Variants in SPEN observed in about 807,000 individuals in gnomAD.
The protein encoded by SPEN is msx2-interacting protein.
A neutral mutation model predicts 269.9 loss-of-function variants in SPEN; 18 were observed. That is an observed-to-expected ratio of 0.07 (90% confidence interval 0.05 to 0.10). The LOEUF (loss-of-function observed/expected upper bound fraction) is 0.10, where lower values mean the gene tolerates loss of function less well. Among genes scored for constraint, SPEN ranks in the 10% least tolerant of loss-of-function variants. The probability of loss-of-function intolerance (pLI) is 1.00; values close to 1 mark genes in which losing one functional copy is unlikely to be tolerated. For missense variants in SPEN, 3,822 were observed against 4,631.2 expected (o/e 0.83, Z 5.07); for synonymous variants, 1,726 against 1,765.7 (o/e 0.98, Z 0.56).
chr1:15,929,495 A>G lies in SPEN; in HGVS notation c.3255A>G (p.Gln1085=). 6.2e-7 allele frequency: 1 copy of G among 1,613,486 alleles called. No individual in the cohort carries two copies. Among genetic ancestry groups the G allele is most frequent in the Non-Finnish European group, 8.5e-7 (1 of 1,179,824 alleles). The change falls in exon 11 of 15, where the codon CAA becomes CAG. Residue 1085 remains glutamine (Q), a synonymous_variant. Coordinates refer to ENST00000375759, the MANE Select transcript of SPEN (RefSeq NM_015001.3). The surrounding 1 kb of genome is among the most constrained non-coding windows in gnomAD (Gnocchi z 5.8). ...GSGSRPSSDL[Q]ARLGELAGES... is the part of the protein sequence containing the mutation. ...GCTCAAGGCCCAGCTCAGACCTACA[A>G]GCAAGACTGGGAGAACTAGCAGGTG...
chr1:15,880,494 C>T (rs2070676669), intron 3 of SPEN, among the ~76,000 whole-genome samples: 1 of 137,746 alleles, frequency 7.3e-6, no homozygotes, highest in Non-Finnish European at 1.5e-5. Flanking sequence ...GTCTCACTCT[C>T]GCCCAGGCTG....
At chr1:15,874,889 G>A (rs1411657138) in intron 2 of SPEN, among the ~76,000 whole-genome samples, 3 of 152,154 alleles carry the variant, frequency 2.0e-5, no homozygotes, top group African/African-American at 4.8e-5. Flanking sequence ...AGGAAGGTGG[G>A]GTTGCTACTA....
rs554484775 is a variant in SPEN at position 15,883,242 on chromosome 1, A to G, written c.881+6564A>G. Among the ~76,000 whole-genome samples, 5 of 152,316 alleles carry G rather than the reference A, an allele frequency of 3.3e-5. No individual in the cohort carries two copies. In the South Asian group the frequency reaches 1.0e-3, roughly 32 times the overall value. On this transcript the variant is annotated intron_variant, in intron 3 of 14. Coordinates refer to ENST00000375759, the MANE Select transcript of SPEN (RefSeq NM_015001.3). ...ATGGGGGAAAGAAAGACACACACAC[A>G]GTTCCTGGGCGGGGAAGCAGACATG... is the stretch of plus-strand genomic sequence containing the variant.
intron 6 of SPEN, among the ~76,000 whole-genome samples, chr1:15,916,498 AT>A (rs1209963092): frequency 7.0e-6 from 1 of 142,390 alleles, no homozygotes; most frequent in Non-Finnish European, 1.5e-5. Context: ...ACACATATAT[AT>A]TTTCTTACCT....
chr1:15,851,099 CAGTT>C (rs1233583037), intron 1 of SPEN, among the ~76,000 whole-genome samples: 1 of 152,082 alleles, frequency 6.6e-6, no homozygotes, highest in Non-Finnish European at 1.5e-5. Flanking sequence ...AGAGGTCAGT[CAGTT>C]CTTTAAAAAT....
intron 4 of SPEN, among the ~76,000 whole-genome samples, chr1:15,909,975 T>G (rs1313586134): frequency 6.6e-6 from 1 of 151,456 alleles, no homozygotes; most frequent in African/African-American, 2.4e-5. Context: ...AATACAAAAA[T>G]TAGCTGGGCG....
At chr1:15,850,848 A>G (rs976801419) in intron 1 of SPEN, among the ~76,000 whole-genome samples, 8 of 152,234 alleles carry the variant, frequency 5.3e-5, no homozygotes, top group African/African-American at 1.7e-4. Flanking sequence ...GAGAAAAACC[A>G]TGCAATACCT....
chr1:15,929,555 G>C lies in SPEN; in HGVS notation c.3315G>C (p.Lys1105Asn), dbSNP rs998597411. 1 of 1,613,808 alleles carries C rather than the reference G, an allele frequency of 6.2e-7. No individual in the cohort carries two copies. The highest frequency in any genetic ancestry group is 1.3e-5 in the African/African-American group (1 of 74,894). The change falls in exon 11 of 15, where the codon AAG becomes AAC. Residue 1105 changes from lysine (K) to asparagine (N), a missense_variant. Physicochemically the swap from Lys to Asn is moderately conservative, Grantham distance 94. This residue lies in a region of SPEN where 572 missense variants were observed against 582.6 expected (regional missense o/e 0.98). Coordinates refer to ENST00000375759, the MANE Select transcript of SPEN (RefSeq NM_015001.3). The surrounding 1 kb of genome is among the most constrained non-coding windows in gnomAD (Gnocchi z 5.8). ...SVENQEVQSK[K>N]PIPSKPQLKQ... ...AAAATCAAGAAGTCCAATCAAAAAA[G>C]CCCATTCCCTCAAAACCACAGCTCA...
Position 15,936,043 on chromosome 1 carries a change from G to A in SPEN, c.9803G>A (p.Arg3268His), listed in dbSNP as rs375130938. The A allele has an allele frequency of 1.7e-5, 26 of 1,516,862 alleles. No homozygotes were observed. The highest frequency in any genetic ancestry group is 5.8e-5 in the South Asian group (5 of 86,812). 94.0% of individuals were successfully genotyped at this position (1,516,862 alleles called of 1,614,324 possible). The change falls in exon 11 of 15, where the codon CGT (arginine) becomes CAT (histidine). Residue 3268 changes from arginine to histidine, a missense_variant. Arg to His is a conservative substitution (Grantham distance 29, BLOSUM62 0). This residue lies in a region of SPEN where 359 missense variants were observed against 377.3 expected (regional missense o/e 0.95). Coordinates refer to ENST00000375759, the MANE Select transcript of SPEN (RefSeq NM_015001.3). ...APAPAPHGEA[R>H]ILTVTPSNQL... ...GCTCCTGCCCCTCATGGTGAGGCCC[G>A]TATCCTCACAGTTACCCCCAGTAAC...
intron 1 of SPEN, among the ~76,000 whole-genome samples, chr1:15,860,188 G>A (rs563455806): frequency 6.6e-6 from 1 of 152,058 alleles, no homozygotes; most frequent in South Asian, 2.1e-4. Context: ...TGGGATTACA[G>A]GCGTGAGCCA....
chr1:15,869,614 A>ATTTATTTT (rs2070553172), intron 1 of SPEN, among the ~76,000 whole-genome samples: 1 of 151,422 alleles, frequency 6.6e-6, no homozygotes. Context: ...TTATTTATTT[A>ATTTATTTT]TGAGACAGGG....
chr1:15,920,968 T>G lies in SPEN; in HGVS notation c.1734T>G (p.Gly578=). ...AVKETKGRKI[G]GNKIKVDFAN... ...AAGAGACCAAAGGGAGGAAAATCGGTGGGAATAAAATTAAGGTGTGCAGAA... is the reference window on the plus strand; with the variant it reads ...AAGAGACCAAAGGGAGGAAAATCGGGGGGAATAAAATTAAGGTGTGCAGAA... The change falls in exon 9 of 15, where the codon GGT becomes GGG. Residue 578 remains glycine, a synonymous_variant. Coordinates refer to ENST00000375759, the MANE Select transcript of SPEN (RefSeq NM_015001.3). 1 of 1,605,174 alleles carries G rather than the reference T, an allele frequency of 6.2e-7. No homozygotes were observed. The highest frequency in any genetic ancestry group is 1.1e-5 in the South Asian group (1 of 90,548).
At chr1:15,897,486 T>A (rs1327687424) in intron 3 of SPEN, among the ~76,000 whole-genome samples, 10 of 152,072 alleles carry the variant, frequency 6.6e-5, no homozygotes, top group African/African-American at 2.4e-4. Context: ...CTTGTAATCC[T>A]GAGTAGCTGG....
chr1:15,857,764 T>C (rs1406099657), intron 1 of SPEN, among the ~76,000 whole-genome samples: 1 of 151,996 alleles, frequency 6.6e-6, no homozygotes, highest in African/African-American at 2.4e-5. Flanking sequence ...GGGCTTGAGG[T>C]ATCCTCCCAC....
At chr1:15,878,696 G>A (rs1353003589) in intron 3 of SPEN, among the ~76,000 whole-genome samples, 2 of 151,994 alleles carry the variant, frequency 1.3e-5, no homozygotes, top group Non-Finnish European at 2.9e-5. Flanking sequence ...CATTCCACTG[G>A]ATCAAAACTT....
rs191557013 is a variant in SPEN at position 15,898,490 on chromosome 1, A to G, written c.882-10831A>G. Among the ~76,000 whole-genome samples, 269 of 151,114 alleles carry G rather than the reference A, an allele frequency of 1.8e-3. 1 individual carries two copies. The highest frequency in any genetic ancestry group is 0.014 in the Middle Eastern group (4 of 290). ...TTTTTGGGTATGGCTGGTTTATTTC[A>G]TTTAGCATAATATCTTCAAGGTTCA... On this transcript the variant is annotated intron_variant, in intron 3 of 14. Coordinates refer to ENST00000375759, the MANE Select transcript of SPEN (RefSeq NM_015001.3).
At chr1:15,879,004 C>CAAAAA (rs3048559) in intron 3 of SPEN, among the ~76,000 whole-genome samples, 10 of 76,518 alleles carry the variant, frequency 1.3e-4, no homozygotes, top group East Asian at 3.3e-4. Flanking sequence ...GACTCTGTCT[C>CAAAAA]AAAAAAAAAA....
In SPEN at chr1:15,929,280, G is replaced by A. The variant is rs199847404; in HGVS notation, c.3040G>A (p.Val1014Met). 1.2e-5 allele frequency: 19 copies of A among 1,614,026 alleles called. No individual in the cohort carries two copies. The highest frequency in any genetic ancestry group is 8.0e-5 in the African/African-American group (6 of 74,894). The change falls in exon 11 of 15, where the codon GTG (valine) becomes ATG (methionine). Residue 1014 changes from valine to methionine, a missense_variant. Coordinates refer to ENST00000375759, the MANE Select transcript of SPEN (RefSeq NM_015001.3). This position sits in a 1 kb window ranked among gnomAD's most constrained non-coding sequence, Gnocchi z 5.8. ...CAGTCCAGAGATGGAGGATGCTCGC[G>A]TGCTTTCAAAAAAGCAGCCTGACGT... ...KSSPEMEDAR[V>M]LSKKQPDVSS... is the part of the protein sequence containing the mutation.
In SPEN at chr1:15,937,278, C is replaced by G; in HGVS notation, c.10142C>G (p.Pro3381Arg). 6.2e-7 allele frequency: 1 copy of G among 1,613,908 alleles called. No homozygotes were observed. The highest frequency in any genetic ancestry group is 8.5e-7 in the Non-Finnish European group (1 of 1,180,004). The stretch of plus-strand genomic sequence containing the variant: ...CAGCTCGGTCAGCCCGGCCAGCCAC[C>G]AAGCAGCAAGATGCCTCAAGTGTCC... The part of the protein sequence containing the change: ...PSQLGQPGQP[P>R]SSKMPQVSQE... The change falls in exon 12 of 15, where the codon CCA becomes CGA. Residue 3381 changes from proline (P) to arginine (R), a missense_variant. Pro to Arg is a moderately radical substitution (Grantham distance 103). Transcript: ENST00000375759. The surrounding 1 kb of genome is among the most constrained non-coding windows in gnomAD (Gnocchi z 5.7).
Sources: allele counts gnomAD v4.1 joint callset (sites outside exome capture counted in the v4.1 genomes callset), GRCh38; gene constraint gnomAD v4.1.1; regional missense constraint gnomAD v4.1.1; non-coding constraint Gnocchi (gnomAD v3.1); transcripts MANE v1.5; gene names NCBI Gene and HGNC (gene_info 2026-07-23, HGNC 2026-07-21).